The following HFM1 variants were observed in gnomAD, a reference collection of about 807,000 sequenced individuals.
HFM1 encodes probable ATP-dependent DNA helicase HFM1.
HFM1 carries 169 observed loss-of-function variants against 192.1 expected under a neutral mutation model. The observed-to-expected ratio is 0.88, with a 90% CI of 0.78 to 1.00. HFM1 has a LOEUF of 1.00. Ranked by LOEUF, HFM1 falls within the 50% of genes least tolerant of loss-of-function variation. The pLI, the probability that HFM1 is intolerant of heterozygous loss-of-function variation, is 0.00. For synonymous variants in HFM1, 525 were observed against 537.8 expected (o/e 0.98, Z 0.33); for missense variants, 1,661 against 1,668.0 (o/e 1.00, Z 0.07).
Position 91,375,388 on chromosome 1 carries a change from T to A in HFM1, c.1655A>T (p.Lys552Ile), listed in dbSNP as rs757772139. ...TTTCTGTTCCACAGTCATAATAAAT[T>A]TAGCATCTTTCACAAGAACAGAAGC... ...QAASVLVKDAKFIMTVEQKQR... is the reference protein window; with the variant it reads ...QAASVLVKDAIFIMTVEQKQR... The change falls in exon 13 of 39, where the codon AAA (lysine) becomes ATA (isoleucine). Residue 552 changes from lysine to isoleucine, a missense_variant. Physicochemically the swap from Lys to Ile is moderately radical, Grantham distance 102. Transcript: ENST00000370425. 6.2e-7 allele frequency: 1 copy of A among 1,612,800 alleles called. No homozygotes were observed. The highest frequency in any genetic ancestry group is 8.5e-7 in the Non-Finnish European group (1 of 1,179,170).
chr1:91,305,331 C>T (rs993448894), intron 30 of HFM1, among the ~76,000 whole-genome samples: 1 of 152,146 alleles, frequency 6.6e-6, no homozygotes, highest in Admixed American at 6.5e-5. Context: ...TTTAGAACTT[C>T]TTTAATTTAT....
intron 16 of HFM1, among the ~76,000 whole-genome samples, chr1:91,352,298 C>T (rs1657041835): frequency 6.6e-6 from 1 of 151,414 alleles, no homozygotes; most frequent in African/African-American, 2.4e-5. Context: ...CCCATCCCCT[C>T]ATCAGCCAAG....
chr1:91,297,606 G>C (rs948396848), intron 30 of HFM1, among the ~76,000 whole-genome samples: 1 of 152,198 alleles, frequency 6.6e-6, no homozygotes, highest in Non-Finnish European at 1.5e-5. Context: ...CCAGAGGAAC[G>C]ATCAGGCAGC....
At chr1:91,346,946 G>A (rs1289356721) in intron 19 of HFM1, among the ~76,000 whole-genome samples, 1 of 151,946 alleles carries the variant, frequency 6.6e-6, no homozygotes, top group Admixed American at 6.6e-5. Context: ...AATACAGTGA[G>A]AACCCCTTTC....
intron 36 of HFM1, 56 bp downstream of exon 36, chr1:91,265,961 A>G: frequency 6.4e-7 from 1 of 1,564,316 alleles, no homozygotes; most frequent in Non-Finnish European, 8.6e-7. Context: ...ATCTCCAACT[A>G]TGTGTCAAGG....
At chr1:91,386,215 C>T (rs568325127) in intron 4 of HFM1, among the ~76,000 whole-genome samples, 1 of 152,274 alleles carries the variant, frequency 6.6e-6, no homozygotes, top group East Asian at 1.9e-4. Context: ...TGCCCCTTCC[C>T]CATGGTCTCT....
intron 18 of HFM1, among the ~76,000 whole-genome samples, chr1:91,348,850 G>A (rs1446682342): frequency 1.5e-4 from 23 of 152,106 alleles, no homozygotes; most frequent in Admixed American, 1.5e-3. Flanking sequence ...CTTGAGCCCA[G>A]AAGGTTGAAG....
intron 13 of HFM1, among the ~76,000 whole-genome samples, chr1:91,366,263 G>T (rs140561875): frequency 6.6e-6 from 1 of 152,194 alleles, no homozygotes; most frequent in Non-Finnish European, 1.5e-5. Flanking sequence ...GCTCAAAAAT[G>T]TTTATTATGT....
intron 30 of HFM1, among the ~76,000 whole-genome samples, chr1:91,289,306 C>T (rs1011811666): frequency 5.2e-4 from 79 of 151,744 alleles, no homozygotes; most frequent in Non-Finnish European, 8.8e-5. Flanking sequence ...AGACGATGGG[C>T]GGCCGGGCAG....
At chr1:91,274,481 A>C (rs542235243) in intron 33 of HFM1, among the ~76,000 whole-genome samples, 36 of 152,234 alleles carry the variant, frequency 2.4e-4, no homozygotes, top group Admixed American at 2.0e-3. Context: ...TAAGGGAATG[A>C]CAGAGGATAG....
At chr1:91,393,948 C>A (rs780520827) in intron 4 of HFM1, 145 bp downstream of exon 4, 56 of 519,556 alleles carry the variant, frequency 1.1e-4, no homozygotes, top group Non-Finnish European at 1.7e-4. Context: ...GACTATGACA[C>A]CAGGAATGGA....
At chr1:91,388,345 G>A (rs1415543122) in intron 4 of HFM1, among the ~76,000 whole-genome samples, 3 of 152,110 alleles carry the variant, frequency 2.0e-5, no homozygotes, top group African/African-American at 7.2e-5. Context: ...TTCAACCTGT[G>A]GGGTCTGACG....
At chr1:91,364,629 TATA>T (rs1446547028) in intron 13 of HFM1, among the ~76,000 whole-genome samples, 29 of 49,338 alleles carry the variant, frequency 5.9e-4, no homozygotes, top group East Asian at 1.9e-3. Flanking sequence ...TATATATATA[TATA>T]TTTTTTTTTT....
chr1:91,370,326 A>C (rs1172930767), intron 13 of HFM1, among the ~76,000 whole-genome samples: 1 of 152,224 alleles, frequency 6.6e-6, no homozygotes, highest in Non-Finnish European at 1.5e-5. Flanking sequence ...ATGAACATCG[A>C]TGCAAAAATC....
chr1:91,353,865 G>T (rs899828745), intron 13 of HFM1, among the ~76,000 whole-genome samples: 1 of 148,932 alleles, frequency 6.7e-6, no homozygotes, highest in African/African-American at 2.5e-5. Context: ...CTATAAATTT[G>T]AAAGAGGTGA....
rs377560856 is a variant in HFM1, at chr1:91,324,698, C to T, written c.2404G>A (p.Gly802Arg). 3 of 1,512,700 alleles carry T rather than the reference C, an allele frequency of 2.0e-6. No homozygotes were observed. Among genetic ancestry groups the T allele is most frequent in the African/African-American group, 1.4e-5 (1 of 72,664 alleles). The allele number at this position is 1,512,700 out of a possible 1,614,324, so 93.7% of individuals were successfully genotyped here. The change falls in exon 21 of 39, where the codon GGA (glycine) becomes AGA (arginine). Residue 802 changes from glycine to arginine, a missense_variant. Coordinates refer to ENST00000370425, the MANE Select transcript of HFM1 (RefSeq NM_001017975.6). ...ACCAGATCTGATAAGGTTTCTTTTC[C>T]ACTGATTGTATAAAATTTCTTCACT... ...ETVKKFYTISGKETLSDLVTL... is the reference protein window; with the variant it reads ...ETVKKFYTISRKETLSDLVTL...
intron 30 of HFM1, among the ~76,000 whole-genome samples, chr1:91,299,013 G>C (rs1041987745): frequency 7.9e-5 from 12 of 152,138 alleles, no homozygotes; most frequent in Non-Finnish European, 1.6e-4. Context: ...AAAGAGTTAA[G>C]ACCCATCAGT....
At chr1:91,276,871 CATT>C (rs1445111640) in intron 31 of HFM1, 108 bp downstream of exon 31, 3 of 803,012 alleles carry the variant, frequency 3.7e-6, no homozygotes, top group Middle Eastern at 2.8e-4. Context: ...AAATTATTTG[CATT>C]ATTAAGTTGC....
intron 4 of HFM1, among the ~76,000 whole-genome samples, 155 bp downstream of exon 4, chr1:91,393,938 G>A (rs1448477967): frequency 6.6e-6 from 1 of 151,998 alleles, no homozygotes; most frequent in East Asian, 1.9e-4. Context: ...GTAGGACCAG[G>A]ACTATGACAC....
Sources: allele counts gnomAD v4.1 joint callset (sites outside exome capture counted in the v4.1 genomes callset), GRCh38; gene constraint gnomAD v4.1.1; transcripts MANE v1.5; gene names NCBI Gene and HGNC (gene_info 2026-07-23, HGNC 2026-07-21).